Variants in HELZ2 observed in about 807,000 individuals in gnomAD.
The protein encoded by HELZ2 is 3'-5' exoribonuclease HELZ2.
A neutral mutation model predicts 208.8 loss-of-function variants in HELZ2; 143 were observed. The ratio of observed to expected loss-of-function variants is 0.68; its 90% CI spans 0.60 to 0.79. The LOEUF (loss-of-function observed/expected upper bound fraction) is 0.79, where lower values mean the gene tolerates loss of function less well. Ranked by LOEUF, HELZ2 falls within the 30% of genes least tolerant of loss-of-function variation. The probability of loss-of-function intolerance (pLI) is 0.00; values close to 1 mark genes in which losing one functional copy is unlikely to be tolerated. For synonymous variants in HELZ2, 1,705 were observed against 1,693.7 expected, an observed-to-expected ratio of 1.01 and a Z score of -0.16; for missense variants, 3,690 against 3,794.5, an observed-to-expected ratio of 0.97 and a Z score of 0.72.
chr20:63,569,014 T>C lies in HELZ2; in HGVS notation c.1089-15A>G, dbSNP rs376492571. 3.0e-4 allele frequency: 479 copies of C among 1,600,482 alleles called. 1 individual carries two copies. Among genetic ancestry groups the C allele is most frequent in the Admixed American group, 1.2e-3 (70 of 59,872 alleles). Reference sequence around the variant, plus strand: ...GCAGGGTCAGCCTGGCAGGATGGCCTGGGTCAGCTCATGGGGCCACAGCTG... The same window carrying C: ...GCAGGGTCAGCCTGGCAGGATGGCCCGGGTCAGCTCATGGGGCCACAGCTG... On this transcript the variant is annotated splice_polypyrimidine_tract_variant and intron_variant, in intron 4 of 18. Coordinates refer to ENST00000467148, the Ensembl canonical transcript of HELZ2.
chr20:63,562,668 C>G (rs1376139336), exon 8 of HELZ2: 2 of 1,597,962 alleles, frequency 1.3e-6, no homozygotes, highest in South Asian at 2.3e-5. Context: ...CGCTCCTGGT[C>G]CCAGTCCTGC....
upstream of HELZ2, among the ~76,000 whole-genome samples, chr20:63,574,017 G>A (rs1174550128): frequency 6.6e-6 from 1 of 151,986 alleles, no homozygotes; most frequent in Non-Finnish European, 1.5e-5. Flanking sequence ...ACTGCCCCGG[G>A]CTGGGTCTGT....
chr20:63,564,445 C>T, exon 8 of HELZ2: 2 of 1,564,054 alleles, frequency 1.3e-6, no homozygotes, highest in Non-Finnish European at 1.7e-6. Flanking sequence ...CCTCCGCCTC[C>T]TCGTAGGACA....
Position 63,562,516 on chromosome 20 carries a change from T to C in HELZ2, c.6302+4A>G. 1.3e-6 allele frequency: 2 copies of C among 1,568,226 alleles called. No homozygotes were observed. Among genetic ancestry groups the C allele is most frequent in the Non-Finnish European group, 8.6e-7 (1 of 1,158,314 alleles). On this transcript the variant is annotated splice_donor_region_variant and intron_variant, in intron 8 of 18. Coordinates refer to ENST00000467148, the Ensembl canonical transcript of HELZ2. ...CCCAGCCTCTGCTGGTGGAAGCCAC[T>C]CACAGATCAGGAAGCTGCTTGGGCA...
chr20:63,563,681 T>C, exon 8 of HELZ2: 1 of 1,576,282 alleles, frequency 6.3e-7, no homozygotes, highest in Non-Finnish European at 8.6e-7. Flanking sequence ...GGCAAGTGCG[T>C]GCTGGAGGCT....
In HELZ2 at chr20:63,564,288, C is replaced by T. The variant is rs764961918; in HGVS notation, c.4534G>A (p.Glu1512Lys). Reference sequence around the variant, plus strand: ...GCGCGGAAGCCCAGGGTGCCGTCCTCGTCCGGCTGCTCATAGAAGCAGTCG... The same window carrying T: ...GCGCGGAAGCCCAGGGTGCCGTCCTTGTCCGGCTGCTCATAGAAGCAGTCG... The change falls in exon 8 of 19, where the codon GAG becomes AAG. Residue 1512 changes from glutamate to lysine, a missense_variant. This residue lies in a region of HELZ2 where 2,564 missense variants were observed against 2,580.5 expected (regional missense o/e 0.99). Transcript: ENST00000467148. 6.2e-6 allele frequency: 10 copies of T among 1,608,534 alleles called. No homozygotes were observed. In the African/African-American group the frequency reaches 6.7e-5, roughly 11 times the overall value.
chr20:63,563,530 C>T (rs760787217), exon 8 of HELZ2: 5 of 1,511,518 alleles, frequency 3.3e-6, no homozygotes, highest in African/African-American at 2.7e-5. Flanking sequence ...GGTCAGGCAG[C>T]GTCTCCCGGT....
At position 63,564,615 on chromosome 20, in the gene HELZ2, G is replaced by A. The variant is rs866034360; in HGVS notation, c.4207C>T (p.Pro1403Ser). Residue 1403 changes from proline (P) to serine (S), a missense_variant, in exon 8 of 19, where the codon CCA becomes TCA. Physicochemically the swap from Pro to Ser is moderately conservative, Grantham distance 74. This residue lies in a region of HELZ2 where 2,564 missense variants were observed against 2,580.5 expected (regional missense o/e 0.99). Coordinates refer to ENST00000467148, the Ensembl canonical transcript of HELZ2. ...AGGCTGGCCGGCAGCATGGGCACTGGCTCCCTGCCGGGGGCATAGAACGCA... is the reference window on the plus strand; with the variant it reads ...AGGCTGGCCGGCAGCATGGGCACTGACTCCCTGCCGGGGGCATAGAACGCA... 1 of 1,568,382 alleles carries A rather than the reference G, an allele frequency of 6.4e-7. No homozygotes were observed. Among genetic ancestry groups the A allele is most frequent in the African/African-American group, 1.3e-5 (1 of 74,152 alleles).
rs774826742 is a variant in HELZ2, at chr20:63,563,573, C to T, written c.5249G>A (p.Gly1750Asp). ...GAAGAGCAGCCGGAAGCAGCGGGAG[C>T]CCGCCTCCACGTCCACCACGAAGCC... The change falls in exon 8 of 19, where the codon GGC becomes GAC. Residue 1750 changes from glycine (G) to aspartate (D), a missense_variant. Transcript: ENST00000467148. 4.1e-5 allele frequency: 63 copies of T among 1,525,470 alleles called. No individual in the cohort carries two copies. The highest frequency in any genetic ancestry group is 5.2e-5 in the Non-Finnish European group (59 of 1,138,284). 94.5% of individuals were successfully genotyped at this position (1,525,470 alleles called of 1,614,324 possible). A position where few individuals can be genotyped will look rare whatever the true frequency, so the allele number is the denominator to read the frequency against.
exon 5 of HELZ2, chr20:63,568,401 G>A (rs545526045): frequency 7.5e-6 from 12 of 1,610,264 alleles, no homozygotes; most frequent in East Asian, 4.5e-5. Context: ...TCAGGCCTCC[G>A]GATGACCTCC....
rs569191240 is a variant in HELZ2 at position 63,567,433 on chromosome 20, C to T, written c.1925G>A (p.Arg642His). 19 of 1,563,382 alleles carry T rather than the reference C, an allele frequency of 1.2e-5. No homozygotes were observed. The highest frequency in any genetic ancestry group is 9.6e-5 in the Admixed American group (5 of 52,190). The change falls in exon 6 of 19, where the codon CGC becomes CAC. Residue 642 changes from arginine to histidine, a missense_variant. Physicochemically the swap from Arg to His is conservative, Grantham distance 29 (BLOSUM62 0). Transcript: ENST00000467148. ...CTGGGAGGTGGTGGTGACCACCACG[C>T]GGTGCCGCGCCAGCTCTGCCCGTGT...
At chr20:63,567,180 C>T in exon 6 of HELZ2, 1 of 1,608,872 alleles carries the variant, frequency 6.2e-7, no homozygotes, top group East Asian at 2.2e-5. Flanking sequence ...CGTGAGTCTC[C>T]TGCTGGTAGC....
At chr20:63,558,765 T>A (rs572096981), downstream of HELZ2, 1 of 152,536 alleles carries the variant, frequency 6.6e-6, no homozygotes. Flanking sequence ...CTCGAACTCC[T>A]GACCTCAGGT....
chr20:63,567,055 C>T (rs2082968877), exon 6 of HELZ2: 3 of 1,612,052 alleles, frequency 1.9e-6, no homozygotes, highest in African/African-American at 1.3e-5. Context: ...AACCTTGCCC[C>T]TGGCGTGGAT....
At chr20:63,559,043 C>T (rs574383861), downstream of HELZ2, 16 of 556,704 alleles carry the variant, frequency 2.9e-5, no homozygotes, top group East Asian at 2.2e-4. Context: ...TGTTCCTGTC[C>T]CCAGATGCCC....
At chr20:63,565,805 C>T (rs775497079) in exon 8 of HELZ2, 2 of 1,599,380 alleles carry the variant, frequency 1.3e-6, no homozygotes, top group Non-Finnish European at 1.7e-6. Flanking sequence ...GGATGCTGGG[C>T]TCAGAGCCTC....
downstream of HELZ2, chr20:63,559,052 C>T: frequency 1.7e-6 from 1 of 585,954 alleles, no homozygotes; most frequent in Non-Finnish European, 2.9e-6. Context: ...CCCCAGATGC[C>T]CAGGAGGAGC....
exon 8 of HELZ2, chr20:63,562,666 G>T (rs1280687429): frequency 6.3e-7 from 1 of 1,598,008 alleles, no homozygotes; most frequent in South Asian, 1.1e-5. Flanking sequence ...GGCGCTCCTG[G>T]TCCCAGTCCT....
At chr20:63,563,039 T>C in exon 8 of HELZ2, 1 of 1,600,120 alleles carries the variant, frequency 6.2e-7, no homozygotes, top group Non-Finnish European at 8.5e-7. Context: ...CGGGGCCCGG[T>C]ACACACGGCC....
Sources: gnomAD v4.1 joint callset for allele counts (sites outside exome capture counted in the v4.1 genomes callset) on GRCh38, gnomAD v4.1.1 for gene constraint, gnomAD v4.1.1 regional missense constraint, MANE v1.5 for transcripts, NCBI Gene and HGNC (gene_info 2026-07-23, HGNC 2026-07-21) for gene names.